Variants in CELF4 observed in about 807,000 individuals in gnomAD.
CELF4 encodes CUGBP Elav-like family member 4, also known as CUG-BP- and ETR-3-like factor 4.
Under a neutral mutation model 59.9 loss-of-function variants are expected in CELF4, and 18 were observed. That is an observed-to-expected ratio of 0.30 (90% confidence interval 0.21 to 0.45). The LOEUF is 0.45. Ranked by LOEUF, CELF4 falls within the 20% of genes least tolerant of loss-of-function variation. The probability of loss-of-function intolerance (pLI) is 1.00; values close to 1 mark genes in which losing one functional copy is unlikely to be tolerated. For missense variants in CELF4, 456 were observed against 689.0 expected (o/e 0.66, Z 3.79); for synonymous variants, 261 against 267.1 (o/e 0.98, Z 0.22).
chr18:37,421,472 C>G (rs1007765840), intron 2 of CELF4, among the ~76,000 whole-genome samples: 1 of 152,358 alleles, frequency 6.6e-6, no homozygotes, highest in African/African-American at 2.4e-5. Flanking sequence ...GCATCTCTGC[C>G]TACAATGAAG....
At chr18:37,256,347 GC>G (rs1422576772) in intron 11 of CELF4, among the ~76,000 whole-genome samples, 2 of 152,156 alleles carry the variant, frequency 1.3e-5, no homozygotes, top group Non-Finnish European at 2.9e-5. Flanking sequence ...AGTGAATGTG[GC>G]CTTTGAGGAG....
chr18:37,485,676 C>T, intron 1 of CELF4, 69 bp from the exon 2 acceptor site: 1 of 1,068,428 alleles, frequency 9.4e-7, no homozygotes, highest in Non-Finnish European at 1.2e-6. Context: ...CGCCCTGCCG[C>T]CCGCCCTCCA....
intron 2 of CELF4, among the ~76,000 whole-genome samples, chr18:37,440,575 G>T (rs1269643071): frequency 6.6e-6 from 1 of 152,226 alleles, no homozygotes; most frequent in Non-Finnish European, 1.5e-5. Context: ...AGGAGAAGTG[G>T]TGTCTCCTTC....
chr18:37,528,305 A>G (rs1380135788), intron 1 of CELF4, among the ~76,000 whole-genome samples: 1 of 152,184 alleles, frequency 6.6e-6, no homozygotes, highest in Non-Finnish European at 1.5e-5. Context: ...TGTTGAAGTA[A>G]TTTTCCTTAC....
chr18:37,323,791 T>C (rs1216414283), intron 2 of CELF4, among the ~76,000 whole-genome samples: 1 of 152,208 alleles, frequency 6.6e-6, no homozygotes, highest in Non-Finnish European at 1.5e-5. Flanking sequence ...GTAGGGATTA[T>C]TATATCCATC....
chr18:37,273,860 A>G, intron 6 of CELF4: 1 of 998,436 alleles, frequency 1.0e-6, no homozygotes, highest in Non-Finnish European at 1.2e-6. Flanking sequence ...GGATATCAGA[A>G]GTGTGGGTGT....
chr18:37,273,455 T>G (rs750462784), intron 6 of CELF4: 3 of 1,123,466 alleles, frequency 2.7e-6, no homozygotes, highest in Non-Finnish European at 3.3e-6. Context: ...TAGTCAGCCC[T>G]GTGTACAGCC....
chr18:37,546,389 C>T (rs889761849), intron 1 of CELF4, among the ~76,000 whole-genome samples: 4 of 147,814 alleles, frequency 2.7e-5, no homozygotes, highest in Non-Finnish European at 4.4e-5. Context: ...CACATGTATG[C>T]GCACACACAC....
At chr18:37,456,004 T>C (rs2099777178) in intron 2 of CELF4, among the ~76,000 whole-genome samples, 1 of 152,180 alleles carries the variant, frequency 6.6e-6, no homozygotes, top group Non-Finnish European at 1.5e-5. Context: ...GAGTGACTTC[T>C]TGTTGCTGAA....
intron 12 of CELF4, among the ~76,000 whole-genome samples, chr18:37,250,712 T>C (rs1029708968): frequency 6.6e-6 from 1 of 152,172 alleles, no homozygotes; most frequent in Non-Finnish European, 1.5e-5. Flanking sequence ...CCACTTCTCA[T>C]TGAGCCACTG....
chr18:37,553,854 G>A (rs2099983970), intron 1 of CELF4, among the ~76,000 whole-genome samples: 1 of 152,198 alleles, frequency 6.6e-6, no homozygotes, highest in Non-Finnish European at 1.5e-5. Flanking sequence ...TGCTGCAGGA[G>A]CTGGGCACTT....
At chr18:37,281,065 G>A (rs539310836) in intron 3 of CELF4, among the ~76,000 whole-genome samples, 1 of 152,320 alleles carries the variant, frequency 6.6e-6, no homozygotes, top group East Asian at 1.9e-4. Context: ...GGGAAGGATG[G>A]GGCTCGGGCT....
chr18:37,544,575 G>A (rs987340668), intron 1 of CELF4, among the ~76,000 whole-genome samples: 1 of 152,194 alleles, frequency 6.6e-6, no homozygotes, highest in Non-Finnish European at 1.5e-5. Flanking sequence ...TGGCTGGCCT[G>A]TATGTGGGTA....
chr18:37,328,358 C>T (rs749265071), intron 2 of CELF4, among the ~76,000 whole-genome samples: 8 of 152,292 alleles, frequency 5.3e-5, no homozygotes, highest in South Asian at 2.1e-4. Flanking sequence ...GGAGGATAGG[C>T]GCTGGCAGCC....
chr18:37,398,735 A>G (rs1347306136), intron 2 of CELF4, among the ~76,000 whole-genome samples: 1 of 152,074 alleles, frequency 6.6e-6, no homozygotes, highest in Non-Finnish European at 1.5e-5. Context: ...GGGGTTCCGG[A>G]GAGTGGTGGA....
At chr18:37,438,671 G>C (rs574307120) in intron 2 of CELF4, among the ~76,000 whole-genome samples, 1 of 152,152 alleles carries the variant, frequency 6.6e-6, no homozygotes, top group Non-Finnish European at 1.5e-5. Flanking sequence ...AAAAATATAC[G>C]GGACACATCG....
intron 1 of CELF4, among the ~76,000 whole-genome samples, chr18:37,542,649 G>C (rs946331908): frequency 2.0e-5 from 3 of 152,176 alleles, no homozygotes; most frequent in Non-Finnish European, 4.4e-5. Flanking sequence ...TAGCACATTA[G>C]AGCACTTGGC....
At chr18:37,317,160 A>G (rs888505737) in intron 3 of CELF4, among the ~76,000 whole-genome samples, 4 of 152,152 alleles carry the variant, frequency 2.6e-5, no homozygotes, top group African/African-American at 7.2e-5. Flanking sequence ...GCCAAGGCAG[A>G]AGGATCACCT....
At chr18:37,259,941 A>G (rs925681232) in intron 10 of CELF4, among the ~76,000 whole-genome samples, 3 of 152,216 alleles carry the variant, frequency 2.0e-5, no homozygotes, top group Non-Finnish European at 2.9e-5. Flanking sequence ...GCCTCATGAC[A>G]TGAAGGTTCT....
Sources: gnomAD v4.1 joint callset for allele counts (sites outside exome capture counted in the v4.1 genomes callset) on GRCh38, gnomAD v4.1.1 for gene constraint, MANE v1.5 for transcripts, NCBI Gene and HGNC (gene_info 2026-07-23, HGNC 2026-07-21) for gene names.